The following NFIA variants were observed in gnomAD, a reference collection of about 807,000 sequenced individuals.
NFIA encodes the protein nuclear factor I A.
Under a neutral mutation model 62.8 loss-of-function variants are expected in NFIA, and 8 were observed. The ratio of observed to expected loss-of-function variants is 0.13; its 90% CI spans 0.07 to 0.23. The LOEUF is 0.23. NFIA is among the 10% of genes least tolerant of loss of function. The pLI is 1.00. For synonymous variants in NFIA, 235 were observed against 238.1 expected, an observed-to-expected ratio of 0.99 and a Z score of 0.12; for missense variants, 410 against 642.1, an observed-to-expected ratio of 0.64 and a Z score of 3.91.
intron 3 of NFIA, among the ~76,000 whole-genome samples, chr1:61,331,073 A>G (rs1034389733): frequency 1.3e-5 from 2 of 152,154 alleles, no homozygotes; most frequent in East Asian, 1.9e-4. Flanking sequence ...ACCAAAGCCA[A>G]TTGAATACCT....
intron 2 of NFIA, among the ~76,000 whole-genome samples, chr1:61,152,244 G>A (rs1037198994): frequency 6.6e-6 from 1 of 152,146 alleles, no homozygotes; most frequent in African/African-American, 2.4e-5. Context: ...CAGGTCTTGT[G>A]GAATGCTGCA....
intron 2 of NFIA, among the ~76,000 whole-genome samples, chr1:61,134,252 G>C (rs1484523730): frequency 3.0e-4 from 2 of 6,752 alleles, no homozygotes; most frequent in African/African-American, 6.3e-4. Context: ...GTGAGTGTGT[G>C]TGTGTGTGTG....
intron 9 of NFIA, among the ~76,000 whole-genome samples, chr1:61,420,034 A>AT (rs1330401193): frequency 6.6e-6 from 1 of 152,220 alleles, no homozygotes; most frequent in Non-Finnish European, 1.5e-5. Context: ...AAACATCTGG[A>AT]TAAAAACTAC....
At chr1:61,262,386 T>C (rs1656819638) in intron 2 of NFIA, among the ~76,000 whole-genome samples, 1 of 152,198 alleles carries the variant, frequency 6.6e-6, no homozygotes, top group Non-Finnish European at 1.5e-5. Flanking sequence ...ATTTAAAATG[T>C]TTTGCCTAAC....
chr1:61,332,626 TG>T (rs746677104), intron 4 of NFIA, 40 bp downstream of exon 4: 3 of 1,575,420 alleles, frequency 1.9e-6, no homozygotes, highest in Non-Finnish European at 2.6e-6. Flanking sequence ...AGATTTGCCT[TG>T]GTTTGTGCTT....
chr1:61,306,519 A>G (rs1659810782), intron 3 of NFIA, among the ~76,000 whole-genome samples: 1 of 151,000 alleles, frequency 6.6e-6, no homozygotes, highest in Non-Finnish European at 1.5e-5. Context: ...CAGATGATCC[A>G]CCACCTTGGC....
At chr1:61,140,555 A>G (rs1444688570) in intron 2 of NFIA, among the ~76,000 whole-genome samples, 2 of 151,984 alleles carry the variant, frequency 1.3e-5, no homozygotes, top group Admixed American at 1.3e-4. Context: ...GGCTTTACAT[A>G]TTTTCTGTAG....
chr1:61,369,244 C>T (rs1454727937), intron 6 of NFIA, among the ~76,000 whole-genome samples: 1 of 152,150 alleles, frequency 6.6e-6, no homozygotes, highest in Non-Finnish European at 1.5e-5. Context: ...ATACTATACT[C>T]ATGGACCCAA....
chr1:61,220,068 T>C (rs1445592778), intron 2 of NFIA, among the ~76,000 whole-genome samples: 1 of 152,238 alleles, frequency 6.6e-6, no homozygotes, highest in Non-Finnish European at 1.5e-5. Flanking sequence ...CCGCCAATGA[T>C]AGGGAGGCAT....
At chr1:61,397,158 A>G (rs1239428396) in intron 7 of NFIA, among the ~76,000 whole-genome samples, 3 of 152,214 alleles carry the variant, frequency 2.0e-5, no homozygotes, top group African/African-American at 7.2e-5. Flanking sequence ...TAAATCTCAC[A>G]GTCTGAAATT....
At chr1:61,452,594 C>G (rs1449171189) in intron 10 of NFIA, among the ~76,000 whole-genome samples, 9 of 152,154 alleles carry the variant, frequency 5.9e-5, no homozygotes, top group African/African-American at 2.2e-4. Context: ...AGCTCAGCCC[C>G]TCTGTTGACA....
chr1:61,415,706 G>C (rs1311310196), intron 9 of NFIA, among the ~76,000 whole-genome samples: 1 of 152,026 alleles, frequency 6.6e-6, no homozygotes, highest in African/African-American at 2.4e-5. Flanking sequence ...ACTGTAAATT[G>C]GTTCAACCTC....
At chr1:61,343,770 G>A (rs75757136) in intron 4 of NFIA, among the ~76,000 whole-genome samples, 2,753 of 152,306 alleles carry the variant, frequency 0.018, 75 homozygotes, top group African/African-American at 0.059. Context: ...AGACTGTGGC[G>A]TAGAAGCTGC....
intron 7 of NFIA, among the ~76,000 whole-genome samples, chr1:61,400,502 G>A (rs1183557083): frequency 2.0e-5 from 3 of 152,196 alleles, no homozygotes; most frequent in African/African-American, 4.8e-5. Context: ...TAACATCAAT[G>A]TGGATACAGA....
chr1:61,096,867 A>C (rs1214359024), intron 2 of NFIA, among the ~76,000 whole-genome samples: 4 of 152,102 alleles, frequency 2.6e-5, no homozygotes, highest in Non-Finnish European at 4.4e-5. Context: ...TTAGTTCTTA[A>C]TGATTTCAGT....
At chr1:61,297,206 G>A (rs1659234155) in intron 3 of NFIA, among the ~76,000 whole-genome samples, 1 of 152,146 alleles carries the variant, frequency 6.6e-6, no homozygotes, top group Non-Finnish European at 1.5e-5. Flanking sequence ...TTTTCAAGAT[G>A]TTTTCATTAG....
chr1:61,431,873 C>A (rs940345711), intron 10 of NFIA, among the ~76,000 whole-genome samples: 9 of 152,180 alleles, frequency 5.9e-5, no homozygotes, highest in African/African-American at 2.2e-4. Context: ...AAAGCTTAGA[C>A]CATCTGTGGA....
rs1176399144 is a variant in NFIA at position 61,334,533 on chromosome 1, A to ATGTGTGTGTG, written c.700+1948_700+1949insGTGTGTGTGT. Among the ~76,000 whole-genome samples the ATGTGTGTGTG allele has an allele frequency of 1.0e-3, 9 of 8,902 alleles. 1 individual carries two copies. Among genetic ancestry groups the ATGTGTGTGTG allele is most frequent in the Admixed American group, 1.6e-3 (1 of 638 alleles). 5.8% of individuals were successfully genotyped at this position (8,902 alleles called of 152,430 possible). ...ATGGGGAGTATTTGTGTGTGTGTAT[A>ATGTGTGTGTG]TATGTGTGTGTGTGTGTGTGTGTAT... On this transcript the variant is annotated intron_variant, in intron 4 of 10. Coordinates refer to ENST00000403491, the MANE Select transcript of NFIA (RefSeq NM_001134673.4).
chr1:61,167,492 A>AT (rs1649662644), intron 2 of NFIA, among the ~76,000 whole-genome samples: 1 of 152,216 alleles, frequency 6.6e-6, no homozygotes, highest in African/African-American at 2.4e-5. Flanking sequence ...AAAGGGAGCC[A>AT]CAGGGTGACT....
Sources: gnomAD v4.1 joint callset for allele counts (sites outside exome capture counted in the v4.1 genomes callset) on GRCh38, gnomAD v4.1.1 for gene constraint, MANE v1.5 for transcripts, NCBI Gene and HGNC (gene_info 2026-07-23, HGNC 2026-07-21) for gene names.